PCDH15: variants seen among roughly 807,000 people sequenced by gnomAD.
PCDH15 encodes the protein protocadherin related 15.
In PCDH15, 129 loss-of-function variants were observed where a neutral mutation model predicts 178.5. The observed-to-expected ratio is 0.72, with a 90% CI of 0.63 to 0.84. The LOEUF (loss-of-function observed/expected upper bound fraction) is 0.84. Ranked by LOEUF, PCDH15 falls within the 40% of genes least tolerant of loss-of-function variation. PCDH15 has a pLI of 0.00. For synonymous variants in PCDH15, 800 were observed against 732.0 expected (o/e 1.09, Z -1.50); for missense variants, 2,230 against 2,099.9 (o/e 1.06, Z -1.21).
At chr10:54,139,947 A>G (rs1186529588) in intron 14 of PCDH15, among the ~76,000 whole-genome samples, 1 of 152,062 alleles carries the variant, frequency 6.6e-6, no homozygotes, top group African/African-American at 2.4e-5. Flanking sequence ...AAAATCTAAG[A>G]CAAAACAAAA....
chr10:54,935,926 C>T (rs1037667666), intron 2 of PCDH15, among the ~76,000 whole-genome samples: 1 of 152,010 alleles, frequency 6.6e-6, no homozygotes, highest in Admixed American at 6.6e-5. Flanking sequence ...ATTTGCAGTA[C>T]AAAATTCAGT....
At chr10:54,380,643 G>GTATATATATATGTA (rs1949060320) in intron 3 of PCDH15, among the ~76,000 whole-genome samples, 1 of 15,292 alleles carries the variant, frequency 6.5e-5, no homozygotes, top group African/African-American at 2.1e-4. Context: ...GTGTATGCAT[G>GTATATATATATGTA]TATATATATA....
chr10:55,624,057 AG>A (rs1438135043), intron 2 of PCDH15, among the ~76,000 whole-genome samples: 1 of 150,828 alleles, frequency 6.6e-6, no homozygotes, highest in East Asian at 1.9e-4. Flanking sequence ...GTTTGCCATC[AG>A]TTGTGTAATT....
intron 2 of PCDH15, among the ~76,000 whole-genome samples, chr10:55,612,787 A>G (rs190535605): frequency 7.2e-5 from 11 of 152,270 alleles, no homozygotes; most frequent in African/African-American, 2.4e-4. Context: ...CTACTAATCT[A>G]TGTCTTAGCA....
intron 2 of PCDH15, among the ~76,000 whole-genome samples, chr10:55,341,789 ATATATATATATATATATTTTTTTTT>A (rs1162342905): frequency 0.048 from 1,002 of 20,806 alleles, 41 homozygotes; most frequent in African/African-American, 0.16. Context: ...ATATATATAT[ATATATATATATATATATTTTTTTTT>A]TTTTTTTTTT....
intron 2 of PCDH15, among the ~76,000 whole-genome samples, chr10:55,140,797 A>G (rs575988273): frequency 6.6e-6 from 1 of 152,038 alleles, no homozygotes; most frequent in African/African-American, 2.4e-5. Context: ...CTATGAAAAT[A>G]TTGCTTTTAT....
intron 3 of PCDH15, among the ~76,000 whole-genome samples, chr10:54,510,978 A>G (rs1024518526): frequency 6.6e-6 from 1 of 152,174 alleles, no homozygotes; most frequent in Non-Finnish European, 1.5e-5. Context: ...GTGAGTTTGT[A>G]TCCACTTTCA....
At chr10:55,426,035 T>C (rs973149916) in intron 2 of PCDH15, among the ~76,000 whole-genome samples, 7 of 152,200 alleles carry the variant, frequency 4.6e-5, no homozygotes, top group South Asian at 2.1e-4. Context: ...AACCTACACA[T>C]GGTAAGAACA....
intron 1 of PCDH15, among the ~76,000 whole-genome samples, chr10:54,758,827 T>C (rs1407818407): frequency 6.6e-6 from 1 of 152,226 alleles, no homozygotes; most frequent in Non-Finnish European, 1.5e-5. Context: ...CTATATTCTT[T>C]AAGGCTTATC....
chr10:54,235,512 C>A (rs1591339864), intron 9 of PCDH15, among the ~76,000 whole-genome samples: 1 of 152,098 alleles, frequency 6.6e-6, no homozygotes. Context: ...AGATAATTGT[C>A]TCTCTTTTTC....
rs529959022 is a variant in PCDH15 at position 55,283,370 on chromosome 10, A to C, written c.-156+36229T>G. Among the ~76,000 whole-genome samples, 3 of 151,376 alleles carry C rather than the reference A, an allele frequency of 2.0e-5. No individual in the cohort carries two copies. In the East Asian group the frequency reaches 5.9e-4, roughly 30 times the overall value. On this transcript the variant is annotated intron_variant, in intron 1 of 5. Transcript: ENST00000458638. ...CTTAACCACCAAAGTATCCTTAAAA[A>C]CTCTGATCCCTGAATTCGTGGGGAG...
intron 3 of PCDH15, among the ~76,000 whole-genome samples, chr10:54,826,109 A>G (rs1376652083): frequency 2.0e-5 from 3 of 152,056 alleles, no homozygotes; most frequent in Non-Finnish European, 2.9e-5. Flanking sequence ...CTGTTATACT[A>G]TAAGTTATTG....
intron 2 of PCDH15, among the ~76,000 whole-genome samples, chr10:54,580,471 A>C (rs945897539): frequency 6.6e-6 from 1 of 152,010 alleles, no homozygotes; most frequent in Non-Finnish European, 1.5e-5. Context: ...TGAATCAACT[A>C]ATGTCCCTGA....
intron 8 of PCDH15, among the ~76,000 whole-genome samples, chr10:54,266,916 C>T (rs117139967): frequency 0.033 from 5,025 of 152,032 alleles, 115 homozygotes; most frequent in Non-Finnish European, 0.051. Flanking sequence ...AGAGATTCTT[C>T]TCTAACTTAC....
At chr10:55,456,879 G>T (rs1383047796) in intron 2 of PCDH15, among the ~76,000 whole-genome samples, 1 of 152,134 alleles carries the variant, frequency 6.6e-6, no homozygotes, top group East Asian at 1.9e-4. Flanking sequence ...CTGGTAATTA[G>T]TATTAGAGGC....
intron 3 of PCDH15, among the ~76,000 whole-genome samples, chr10:54,454,492 T>A (rs115945266): frequency 0.042 from 6,269 of 149,950 alleles, 289 homozygotes; most frequent in African/African-American, 0.11. Context: ...TAATATTTAA[T>A]AAATATTAAT....
At chr10:55,205,495 T>TTGTG (rs2132163677) in intron 1 of PCDH15, among the ~76,000 whole-genome samples, 1 of 152,156 alleles carries the variant, frequency 6.6e-6, no homozygotes, top group African/African-American at 2.4e-5. Flanking sequence ...TATTTTCAAA[T>TTGTG]ATAATATTAG....
At chr10:55,106,390 A>T (rs1842675130) in intron 2 of PCDH15, among the ~76,000 whole-genome samples, 1 of 152,216 alleles carries the variant, frequency 6.6e-6, no homozygotes, top group Admixed American at 6.5e-5. Context: ...AACAAACATA[A>T]ATATACATTG....
chr10:54,264,834 A>G (rs1468405148), intron 8 of PCDH15, among the ~76,000 whole-genome samples: 1 of 152,164 alleles, frequency 6.6e-6, no homozygotes, highest in Non-Finnish European at 1.5e-5. Flanking sequence ...TGGAAAACAT[A>G]CCTGAGGAAA....
Sources: gnomAD v4.1 joint callset for allele counts (sites outside exome capture counted in the v4.1 genomes callset) on GRCh38, gnomAD v4.1.1 for gene constraint, MANE v1.5 for transcripts, NCBI Gene and HGNC (gene_info 2026-07-23, HGNC 2026-07-21) for gene names.